Variants in CNOT7 observed in about 807,000 individuals in gnomAD.
The protein encoded by CNOT7 is BTG1-binding factor 1.
In CNOT7, 4 loss-of-function variants were observed where a neutral mutation model predicts 37.1. That is an observed-to-expected ratio of 0.11 (90% CI 0.05 to 0.25). The LOEUF (loss-of-function observed/expected upper bound fraction) is 0.25. Ranked by LOEUF, CNOT7 falls within the 10% of genes least tolerant of loss-of-function variation. The pLI, the probability that CNOT7 is intolerant of heterozygous loss-of-function variation, is 1.00. For synonymous variants in CNOT7, 128 were observed against 115.6 expected (o/e 1.11, Z -0.69); for missense variants, 170 against 336.2 (o/e 0.51, Z 3.87).
At position 17,230,538 on chromosome 8, in the gene CNOT7, T is replaced by C. The variant is rs1808481906; in HGVS notation, c.*182A>G. 3 of 397,534 alleles carry C rather than the reference T, an allele frequency of 7.5e-6. No individual in the cohort carries two copies. In the East Asian group the frequency reaches 1.2e-4, roughly 16 times the overall value. 24.6% of individuals were successfully genotyped at this position (397,534 alleles called of 1,614,324 possible). ...AAATTTAACCTGAATGCGTTTTTTT[T>C]TTTCTTTTTATTAAGATCTGAGATA... On this transcript the variant is annotated 3_prime_UTR_variant, in exon 7 of 7. Coordinates refer to ENST00000361272, the MANE Select transcript of CNOT7 (RefSeq NM_013354.7).
Position 17,230,312 on chromosome 8 carries a change from A to T in CNOT7, c.*408T>A, listed in dbSNP as rs979127020. ...TAAAGTGCAAAACTGATGGTCCACG[A>T]TCTCAAATAGCTAAAACTCCTGCAG... is the stretch of plus-strand genomic sequence containing the variant. On this transcript the variant is annotated 3_prime_UTR_variant, in exon 7 of 7. Coordinates refer to ENST00000361272, the MANE Select transcript of CNOT7 (RefSeq NM_013354.7). 5 of 153,198 alleles carry T rather than the reference A, an allele frequency of 3.3e-5. No individual in the cohort carries two copies. The highest frequency in any genetic ancestry group is 1.2e-4 in the African/African-American group (5 of 41,440). The allele number at this position is 153,198 out of a possible 1,614,324, so 9.5% of individuals were successfully genotyped here. A position where few individuals can be genotyped will look rare whatever the true frequency, so the allele number is the denominator to read the frequency against.
At chr8:17,240,442 G>A (rs542462339) in intron 3 of CNOT7, among the ~76,000 whole-genome samples, 10 of 152,132 alleles carry the variant, frequency 6.6e-5, no homozygotes, top group African/African-American at 2.2e-4. Flanking sequence ...GTGGCCCAGG[G>A]AAACCAAAAG....
intron 3 of CNOT7, chr8:17,241,526 C>G (rs528603310): frequency 1.3e-5 from 2 of 152,288 alleles, no homozygotes; most frequent in East Asian, 3.9e-4. Context: ...CTTTGTTTAT[C>G]TGACAAAGAA....
Position 17,237,285 on chromosome 8 carries a change from G to T in CNOT7, c.400C>A (p.Gln134Lys). The T allele has an allele frequency of 1.9e-6, 3 of 1,614,072 alleles. No homozygotes were observed. The highest frequency in any genetic ancestry group is 2.5e-6 in the Non-Finnish European group (3 of 1,179,950). The change falls in exon 4 of 7, where the codon CAG becomes AAG. Residue 134 changes from glutamine (Q) to lysine (K), a missense_variant. Around this residue, in one of 6 missense-constraint regions of CNOT7, gnomAD observed 68 missense variants for 151.1 expected, o/e 0.45. Transcript: ENST00000361272. ...GTCATAAGAAGTTCTGCAAAGTACT[G>T]GGTTTCAATTCCTTCCTCCTCATGT... ...KKHEEEGIET[Q>K]YFAELLMTSG... is the part of the protein sequence containing the mutation.
At position 17,241,521 on chromosome 8, in the gene CNOT7, T is replaced by A. The variant is rs180699041; in HGVS notation, c.311+1471A>T. The stretch of plus-strand genomic sequence containing the variant: ...AAATTGTGTATACTAAATATCTTTG[T>A]TTATCTGACAAAGAACAGGAAGAAA... On this transcript the variant is annotated intron_variant, in intron 3 of 6. Transcript: ENST00000361272. 7.2e-5 allele frequency: 11 copies of A among 152,278 alleles called. No individual in the cohort carries two copies. The East Asian group carries it at 1.7e-3, about 24-fold the overall frequency. 9.4% of individuals were successfully genotyped at this position (152,278 alleles called of 1,614,324 possible). A position where few individuals can be genotyped will look rare whatever the true frequency, so the allele number is the denominator to read the frequency against.
intron 2 of CNOT7, 22 bp from the exon 3 acceptor site, chr8:17,243,207 C>T: frequency 6.4e-7 from 1 of 1,559,960 alleles, no homozygotes. Flanking sequence ...TTTTAAGATT[C>T]ATTATGTACT....
At chr8:17,232,191 GT>G in intron 6 of CNOT7, 1 of 1,319,268 alleles carries the variant, frequency 7.6e-7, no homozygotes, top group Non-Finnish European at 9.7e-7. Context: ...TTCTCAGGTA[GT>G]TTATGTTTTA....
At chr8:17,243,762 C>G (rs528631936) in intron 2 of CNOT7, 8 of 396,742 alleles carry the variant, frequency 2.0e-5, no homozygotes, top group Admixed American at 3.1e-5. Flanking sequence ...TGTTGCCACT[C>G]TTTATCATCT....
intron 2 of CNOT7, chr8:17,244,766 G>A (rs557789314): frequency 2.2e-5 from 7 of 314,290 alleles, no homozygotes; most frequent in East Asian, 6.8e-5. Context: ...CACCTGACAC[G>A]AGCCCAAATC....
intron 4 of CNOT7, among the ~76,000 whole-genome samples, chr8:17,235,488 G>A (rs560221870): frequency 5.5e-4 from 84 of 152,210 alleles, no homozygotes; most frequent in South Asian, 1.4e-3. Context: ...TGCTGCACAT[G>A]GAAGAAGTGA....
chr8:17,227,135 G>A lies in CNOT7; in HGVS notation c.*3585C>T, dbSNP rs1808210902. The stretch of plus-strand genomic sequence containing the variant: ...AGTACCTGCTGATGAATAATCAAGT[G>A]AGTAACTACAGGCTTTAAACAACTT... On this transcript the variant is annotated 3_prime_UTR_variant, in exon 7 of 7. Coordinates refer to ENST00000361272, the MANE Select transcript of CNOT7 (RefSeq NM_013354.7). 6.6e-6 allele frequency: 1 copy of A among 151,814 alleles called. No homozygotes were observed. The highest frequency in any genetic ancestry group is 1.5e-5 in the Non-Finnish European group (1 of 67,788). The allele number at this position is 151,814 out of a possible 1,614,324, so 9.4% of individuals were successfully genotyped here.
intron 3 of CNOT7, among the ~76,000 whole-genome samples, chr8:17,239,568 T>C (rs1021173926): frequency 3.3e-5 from 5 of 152,128 alleles, no homozygotes; most frequent in East Asian, 3.9e-4. Flanking sequence ...CTCGGCTCAC[T>C]GCAAGCTCCA....
At position 17,226,728 on chromosome 8, in the gene CNOT7, CAA is replaced by C. The variant is rs1808181718; in HGVS notation, c.*3990_*3991del. Reference sequence around the variant, plus strand: ...ACAGAAAGTATATAAAGCAGCTTGACAATCTTAAGTTTTAGTTTTTATTGAAA... The same window carrying C: ...ACAGAAAGTATATAAAGCAGCTTGACTCTTAAGTTTTAGTTTTTATTGAAA... On this transcript the variant is annotated 3_prime_UTR_variant, in exon 7 of 7. Transcript: ENST00000361272. 6.6e-6 allele frequency: 1 copy of C among 151,726 alleles called. No homozygotes were observed. The allele number at this position is 151,726 out of a possible 1,614,324, so 9.4% of individuals were successfully genotyped here. A position where few individuals can be genotyped will look rare whatever the true frequency, so the allele number is the denominator to read the frequency against.
rs928138184 is a variant in CNOT7, at chr8:17,228,953, G to A, written c.*1767C>T. Reference sequence around the variant, plus strand: ...TTAAAAAGCCACAGTTATACCAAATGTATTTACTTTGTGAAGTATATCCTT... The same window carrying A: ...TTAAAAAGCCACAGTTATACCAAATATATTTACTTTGTGAAGTATATCCTT... On this transcript the variant is annotated 3_prime_UTR_variant, in exon 7 of 7. Transcript: ENST00000361272. 6.6e-6 allele frequency: 1 copy of A among 151,928 alleles called. No homozygotes were observed. The highest frequency in any genetic ancestry group is 1.5e-5 in the Non-Finnish European group (1 of 67,868). 9.4% of individuals were successfully genotyped at this position (151,928 alleles called of 1,614,324 possible). A position where few individuals can be genotyped will look rare whatever the true frequency, so the allele number is the denominator to read the frequency against.
In CNOT7 at chr8:17,228,550, G is replaced by C. The variant is rs184403947; in HGVS notation, c.*2170C>G. ...ATTTTGACTTTGCAATGGTGCAAAA[G>C]CAATACACATTCAGTAGAAACTATA... On this transcript the variant is annotated 3_prime_UTR_variant, in exon 7 of 7. Coordinates refer to ENST00000361272, the MANE Select transcript of CNOT7 (RefSeq NM_013354.7). 1 of 151,934 alleles carries C rather than the reference G, an allele frequency of 6.6e-6. No homozygotes were observed. The highest frequency in any genetic ancestry group is 1.9e-4 in the East Asian group (1 of 5,188). The allele number at this position is 151,934 out of a possible 1,614,324, so 9.4% of individuals were successfully genotyped here. A position where few individuals can be genotyped will look rare whatever the true frequency, so the allele number is the denominator to read the frequency against.
At position 17,246,839 on chromosome 8, in the gene CNOT7, G is replaced by GCGCCGT. The variant is rs1811240492; in HGVS notation, c.-266_-261dup. 62 of 297,210 alleles carry GCGCCGT rather than the reference G, an allele frequency of 2.1e-4. No homozygotes were observed. Among genetic ancestry groups the GCGCCGT allele is most frequent in the South Asian group, 1.7e-3 (61 of 36,224 alleles). 18.4% of individuals were successfully genotyped at this position (297,210 alleles called of 1,614,324 possible). A position where few individuals can be genotyped will look rare whatever the true frequency, so the allele number is the denominator to read the frequency against. On this transcript the variant is annotated 5_prime_UTR_variant, in exon 1 of 7. Coordinates refer to ENST00000361272, the MANE Select transcript of CNOT7 (RefSeq NM_013354.7). Reference sequence around the variant, plus strand: ...AGCAGGAGCTGCGCCGCACCGTGCTGCGCCGTCGCTTTTCGCACGTCCTGA... The same window carrying GCGCCGT: ...AGCAGGAGCTGCGCCGCACCGTGCTGCGCCGTCGCCGTCGCTTTTCGCACGTCCTGA...
intron 3 of CNOT7, among the ~76,000 whole-genome samples, chr8:17,241,018 G>A (rs532585706): frequency 6.8e-4 from 103 of 152,332 alleles, no homozygotes; most frequent in African/African-American, 2.4e-3. Context: ...CCTGGGCCAA[G>A]GGTTGGACAA....
At chr8:17,236,942 C>T (rs141374856) in intron 4 of CNOT7, among the ~76,000 whole-genome samples, 6 of 152,226 alleles carry the variant, frequency 3.9e-5, no homozygotes, top group Non-Finnish European at 7.4e-5. Context: ...CAAATGGCGC[C>T]GCTGGATTTA....
intron 4 of CNOT7, among the ~76,000 whole-genome samples, chr8:17,235,599 TTC>T (rs1809241105): frequency 1.3e-5 from 2 of 152,016 alleles, no homozygotes; most frequent in African/African-American, 4.8e-5. Context: ...TCGCACAGCT[TTC>T]TGTCTCCCTA....
Sources: allele counts gnomAD v4.1 joint callset (sites outside exome capture counted in the v4.1 genomes callset), GRCh38; gene constraint gnomAD v4.1.1; regional missense constraint gnomAD v4.1.1; transcripts MANE v1.5; gene names NCBI Gene and HGNC (gene_info 2026-07-23, HGNC 2026-07-21).